Variants in PRIMPOL observed in about 807,000 individuals in gnomAD.
PRIMPOL encodes primase and DNA directed polymerase, also known as DNA-directed primase/polymerase protein.
In PRIMPOL, 54 loss-of-function variants were observed where a neutral mutation model predicts 63.6. The ratio of observed to expected loss-of-function variants is 0.85; its 90% CI spans 0.68 to 1.07. The LOEUF (loss-of-function observed/expected upper bound fraction) is 1.07, where lower values mean the gene tolerates loss of function less well. Among genes scored for constraint, PRIMPOL ranks in the 50% least tolerant of loss-of-function variants. The pLI is 0.00. For missense variants in PRIMPOL, 610 were observed against 648.3 expected, an observed-to-expected ratio of 0.94 and a Z score of 0.64; for synonymous variants, 197 against 220.2, an observed-to-expected ratio of 0.89 and a Z score of 0.93.
chr4:184,679,119 A>C (rs555929725), intron 8 of PRIMPOL, among the ~76,000 whole-genome samples: 1 of 152,300 alleles, frequency 6.6e-6, no homozygotes, highest in African/African-American at 2.4e-5. Context: ...TTATTATTTA[A>C]ATGATTGTCA....
At chr4:184,675,067 G>A (rs1405141853) in intron 7 of PRIMPOL, among the ~76,000 whole-genome samples, 2 of 152,196 alleles carry the variant, frequency 1.3e-5, no homozygotes, top group Non-Finnish European at 1.5e-5. Flanking sequence ...ACTGTGAAGC[G>A]CAATTGATTG....
chr4:184,659,830 A>AT (rs1747765043), intron 4 of PRIMPOL, among the ~76,000 whole-genome samples: 1 of 151,822 alleles, frequency 6.6e-6, no homozygotes, highest in Non-Finnish European at 1.5e-5. Context: ...TAATTTTTTA[A>AT]TTTTTTTGAG....
At chr4:184,683,131 T>C (rs1756094956) in intron 9 of PRIMPOL, among the ~76,000 whole-genome samples, 1 of 151,894 alleles carries the variant, frequency 6.6e-6, no homozygotes, top group African/African-American at 2.4e-5. Context: ...AGAAAGATGT[T>C]TATTAAGAAG....
chr4:184,678,773 C>T (rs899756348), intron 8 of PRIMPOL, among the ~76,000 whole-genome samples: 19 of 152,042 alleles, frequency 1.2e-4, no homozygotes, highest in Admixed American at 5.9e-4. Context: ...GGTGATCTGC[C>T]GACCTCAGCC....
At chr4:184,670,545 ATTTTT>A (rs57234973) in intron 6 of PRIMPOL, among the ~76,000 whole-genome samples, 1 of 136,680 alleles carries the variant, frequency 7.3e-6, no homozygotes, top group Non-Finnish European at 1.6e-5. Context: ...TAGGAAAGTA[ATTTTT>A]TTTTTTTTTT....
chr4:184,652,894 AGG>A (rs10610746), intron 2 of PRIMPOL, among the ~76,000 whole-genome samples: 918 of 1,908 alleles, frequency 0.48, 283 homozygotes, highest in Middle Eastern at 1. Flanking sequence ...AAGGGAAAGA[AGG>A]GAGGGAGGGA....
intron 4 of PRIMPOL, 87 bp downstream of exon 4, chr4:184,659,524 T>C: frequency 2.1e-6 from 2 of 958,426 alleles, no homozygotes; most frequent in South Asian, 1.3e-5. Flanking sequence ...TCAGGCTGAA[T>C]TGGCTTCCAC....
intron 9 of PRIMPOL, among the ~76,000 whole-genome samples, chr4:184,684,596 A>G (rs562725163): frequency 3.3e-5 from 5 of 152,146 alleles, no homozygotes; most frequent in Non-Finnish European, 7.3e-5. Flanking sequence ...AGGTCAGCTG[A>G]GTGTATTGCC....
chr4:184,689,733 C>T (rs1427163889), intron 11 of PRIMPOL, among the ~76,000 whole-genome samples: 1 of 152,000 alleles, frequency 6.6e-6, no homozygotes, highest in Non-Finnish European at 1.5e-5. Context: ...GGATTACAGG[C>T]GCGAGCCACC....
At position 184,667,518 on chromosome 4, in the gene PRIMPOL, G is replaced by A. The variant is rs1405265151; in HGVS notation, c.556+1454G>A. Among the ~76,000 whole-genome samples the A allele has an allele frequency of 2.0e-5, 3 of 152,282 alleles. No homozygotes were observed. The East Asian group carries it at 5.8e-4, about 29-fold the overall frequency. ...GTAGAGGCGGAGTTTCACCAGGTTA[G>A]CCAGGATGGTCTTGATCCCCTGACC... On this transcript the variant is annotated intron_variant, in intron 6 of 13. Coordinates refer to ENST00000314970, the MANE Select transcript of PRIMPOL (RefSeq NM_152683.4).
intron 7 of PRIMPOL, among the ~76,000 whole-genome samples, chr4:184,676,884 T>C (rs1251053551): frequency 7.6e-3 from 1 of 132 alleles, no homozygotes; most frequent in Non-Finnish European, 0.014. Context: ...CCTTCCCTTC[T>C]CCTCCCCCTT....
chr4:184,682,404 A>G, intron 9 of PRIMPOL, 68 bp downstream of exon 9: 1 of 851,098 alleles, frequency 1.2e-6, no homozygotes, highest in Non-Finnish European at 2.0e-6. Context: ...GCTGGAGTGC[A>G]GTGGTGCGAT....
chr4:184,664,099 T>G (rs1426674970), intron 5 of PRIMPOL, among the ~76,000 whole-genome samples: 1 of 152,254 alleles, frequency 6.6e-6, no homozygotes, highest in Non-Finnish European at 1.5e-5. Flanking sequence ...GTTTAACTTC[T>G]GGATTTTATA....
At chr4:184,678,525 CTTTTTTT>C (rs767532493) in intron 8 of PRIMPOL, 131 bp downstream of exon 8, 41 of 338,628 alleles carry the variant, frequency 1.2e-4, no homozygotes, top group East Asian at 2.8e-4. Flanking sequence ...TCTTACAGCT[CTTTTTTT>C]TTTTTTTTTT....
intron 2 of PRIMPOL, among the ~76,000 whole-genome samples, chr4:184,656,576 C>G (rs1380231986): frequency 6.6e-6 from 1 of 152,028 alleles, no homozygotes; most frequent in Non-Finnish European, 1.5e-5. Flanking sequence ...GAAGAGGAGA[C>G]ATGGACAGAA....
At chr4:184,663,030 A>ATTCTTC (rs531981645) in intron 5 of PRIMPOL, among the ~76,000 whole-genome samples, 3 of 139,958 alleles carry the variant, frequency 2.1e-5, no homozygotes, top group South Asian at 4.3e-4. Context: ...TATTATTATT[A>ATTCTTC]TTATTATTAT....
rs190542377 is a variant in PRIMPOL at position 184,684,741 on chromosome 4, T to C, written c.1097-668T>C. 1.1e-3 allele frequency among the ~76,000 whole-genome samples: 172 copies of C among 152,116 alleles called. 1 individual carries two copies. Among genetic ancestry groups the C allele is most frequent in the Admixed American group, 3.5e-3 (53 of 15,278 alleles). ...GGCTTGGGGGAGTATACCAGGAAGT[T>C]TGGGGTTTGTTCTGAGTTGGGTGTT... is the stretch of plus-strand genomic sequence containing the variant. On this transcript the variant is annotated intron_variant, in intron 9 of 13. Transcript: ENST00000314970.
At chr4:184,694,359 C>T (rs1184475018) in intron 13 of PRIMPOL, 163 bp from the exon 14 acceptor site, 1 of 1,404,256 alleles carries the variant, frequency 7.1e-7, no homozygotes, top group Non-Finnish European at 9.3e-7. Flanking sequence ...AATCAGTGCA[C>T]TCATTCCCAC....
chr4:184,653,586 G>C (rs1745343569), intron 2 of PRIMPOL, among the ~76,000 whole-genome samples: 1 of 152,110 alleles, frequency 6.6e-6, no homozygotes, highest in Non-Finnish European at 1.5e-5. Flanking sequence ...TCCTGACCTT[G>C]TGGTCCACCC....
Sources: gnomAD v4.1 joint callset for allele counts (sites outside exome capture counted in the v4.1 genomes callset) on GRCh38, gnomAD v4.1.1 for gene constraint, MANE v1.5 for transcripts, NCBI Gene and HGNC (gene_info 2026-07-23, HGNC 2026-07-21) for gene names.